Variants in LNPEP observed in about 807,000 individuals in gnomAD.
LNPEP encodes the protein leucyl-cystinyl aminopeptidase.
A neutral mutation model predicts 120.6 loss-of-function variants in LNPEP; 64 were observed. The observed-to-expected ratio is 0.53, with a 90% CI of 0.43 to 0.65. The LOEUF is 0.65. Among genes scored for constraint, LNPEP ranks in the 30% least tolerant of loss-of-function variants. The probability of loss-of-function intolerance (pLI) is 0.00; values close to 1 mark genes in which losing one functional copy is unlikely to be tolerated. For synonymous variants in LNPEP, 435 were observed against 425.4 expected, an observed-to-expected ratio of 1.02 and a Z score of -0.28; for missense variants, 1,057 against 1,200.0, an observed-to-expected ratio of 0.88 and a Z score of 1.76.
At chr5:96,998,320 T>C (rs894697261) in intron 8 of LNPEP, among the ~76,000 whole-genome samples, 175 bp downstream of exon 8, 1 of 152,176 alleles carries the variant, frequency 6.6e-6, no homozygotes, top group Non-Finnish European at 1.5e-5. Context: ...TTTTGTGGGT[T>C]TTTTTCTTTC....
intron 1 of LNPEP, among the ~76,000 whole-genome samples, chr5:96,968,895 A>G (rs949762123): frequency 6.6e-6 from 1 of 151,906 alleles, no homozygotes; most frequent in Non-Finnish European, 1.5e-5. Flanking sequence ...TGCTTTAGGG[A>G]TTTGTGGAAG....
In LNPEP at chr5:97,021,013, G is replaced by A. The variant is rs1459012050; in HGVS notation, c.2377-1287G>A. ...TATTTTGGAGAGAGATGAAAAAGGC[G>A]TCTGTTAGTACCTTAATACCGCAAG... On this transcript the variant is annotated intron_variant, in intron 13 of 17. Coordinates refer to ENST00000231368, the MANE Select transcript of LNPEP (RefSeq NM_005575.3). Among the ~76,000 whole-genome samples, 5 of 152,202 alleles carry A rather than the reference G, an allele frequency of 3.3e-5. No homozygotes were observed. In the South Asian group the frequency reaches 6.2e-4, roughly 19 times the overall value.
chr5:96,968,585 G>A (rs149224166), intron 1 of LNPEP, among the ~76,000 whole-genome samples: 19 of 152,026 alleles, frequency 1.2e-4, no homozygotes, highest in African/African-American at 4.6e-4. Context: ...TATGTATGGC[G>A]TACTCTTTTA....
At chr5:97,021,918 C>CTTTTTTTTTTTTT (rs1561455270) in intron 13 of LNPEP, among the ~76,000 whole-genome samples, 1 of 50,010 alleles carries the variant, frequency 2.0e-5, no homozygotes, top group Admixed American at 2.0e-4. Flanking sequence ...TGTTTTTTGT[C>CTTTTTTTTTTTTT]TTTTGTTTTT....
rs11342983 is a variant in LNPEP, at chr5:96,938,984, C to CA, written c.19+2825dup. Among the ~76,000 whole-genome samples, 1,414 of 142,768 alleles carry CA rather than the reference C, an allele frequency of 9.9e-3. 11 individuals carry two copies. The highest frequency in any genetic ancestry group is 0.011 in the African/African-American group (425 of 38,882). The allele number at this position is 142,768 out of a possible 152,430, so 93.7% of individuals were successfully genotyped here. On this transcript the variant is annotated intron_variant, in intron 1 of 17. Transcript: ENST00000231368. The stretch of plus-strand genomic sequence containing the variant: ...TTAAGTAATAGTGATTTGTATATTA[C>CA]AAAAAAAAAAAAAAATTGAAGGCAA...
chr5:96,943,233 A>C (rs983355403), intron 1 of LNPEP: 1 of 205,904 alleles, frequency 4.9e-6, no homozygotes, highest in Admixed American at 4.7e-5. Flanking sequence ...TAAAAAAAAA[A>C]AAAAGAAAAC....
chr5:96,990,966 A>C (rs1320871225), intron 4 of LNPEP, among the ~76,000 whole-genome samples: 1 of 152,210 alleles, frequency 6.6e-6, no homozygotes, highest in South Asian at 2.1e-4. Flanking sequence ...TATATGGATA[A>C]GTTCTTTAGT....
intron 1 of LNPEP, among the ~76,000 whole-genome samples, chr5:96,961,599 G>A (rs1363146234): frequency 6.6e-6 from 1 of 152,044 alleles, no homozygotes; most frequent in African/African-American, 2.4e-5. Flanking sequence ...GCACTGTGCT[G>A]TACGTTCATC....
At chr5:96,954,984 G>A (rs1394439737) in intron 1 of LNPEP, among the ~76,000 whole-genome samples, 4 of 148,522 alleles carry the variant, frequency 2.7e-5, no homozygotes, top group Admixed American at 6.7e-5. Flanking sequence ...GGGTTTCACC[G>A]TGTTAGCCAG....
intron 6 of LNPEP, 188 bp from the exon 7 acceptor site, chr5:96,996,202 A>C (rs1790512201): frequency 2.4e-6 from 1 of 418,782 alleles, no homozygotes; most frequent in Non-Finnish European, 4.2e-6. Flanking sequence ...TTATTTTTAA[A>C]GTAAATTTAT....
chr5:97,021,922 T>C (rs1291260921), intron 13 of LNPEP, among the ~76,000 whole-genome samples: 7 of 129,284 alleles, frequency 5.4e-5, no homozygotes, highest in African/African-American at 2.0e-4. Context: ...TTTTGTCTTT[T>C]GTTTTTTTTT....
In LNPEP at chr5:97,014,945, C is replaced by T; in HGVS notation, c.2226C>T (p.Gly742=). Residue 742 remains glycine, a synonymous_variant, in exon 13 of 18, where the codon GGC becomes GGT. Transcript: ENST00000231368. ...INNIFELAGL[G]KVPLKRAFDL... ...CTGTTCTTTTATCCTTTAGCCTAGG[C>T]AAGGTACCTCTCAAGAGGGCCTTTG... The T allele has an allele frequency of 1.3e-6, 2 of 1,558,890 alleles. No individual in the cohort carries two copies. The highest frequency in any genetic ancestry group is 1.3e-5 in the South Asian group (1 of 78,712).
At chr5:96,959,700 A>G (rs1369216994) in intron 1 of LNPEP, among the ~76,000 whole-genome samples, 1 of 152,128 alleles carries the variant, frequency 6.6e-6, no homozygotes, top group Admixed American at 6.5e-5. Flanking sequence ...GACTTTTAAA[A>G]TTTGATTTAG....
In LNPEP at chr5:97,026,631, G is replaced by C. The variant is rs17087233; in HGVS notation, c.2738G>C (p.Ser913Thr). The change falls in exon 16 of 18, where the codon AGC (serine) becomes ACC (threonine). Residue 913 changes from serine to threonine, a missense_variant. Physicochemically the swap from Ser to Thr is moderately conservative, Grantham distance 58 (BLOSUM62 1). Coordinates refer to ENST00000231368, the MANE Select transcript of LNPEP (RefSeq NM_005575.3). ...VRKLYWLMKS[S>T]LNGDNFRTQK... The stretch of plus-strand genomic sequence containing the variant: ...TTGCTCTTCAGGTTAATGAAAAGTA[G>C]CCTGAATGGAGATAACTTCCGAACA... 1.2e-4 allele frequency: 191 copies of C among 1,612,924 alleles called. 1 individual carries two copies. The African/African-American group carries it at 2.1e-3, about 18-fold the overall frequency.
intron 1 of LNPEP, among the ~76,000 whole-genome samples, chr5:96,965,095 TTCTA>T (rs545850745): frequency 1.9e-3 from 295 of 152,306 alleles, no homozygotes; most frequent in Non-Finnish European, 3.1e-3. Flanking sequence ...ATTCCAATTC[TTCTA>T]TCTATTTTGC....
chr5:97,014,456 T>C (rs1356991391), intron 12 of LNPEP, among the ~76,000 whole-genome samples: 1 of 152,154 alleles, frequency 6.6e-6, no homozygotes, highest in Non-Finnish European at 1.5e-5. Flanking sequence ...CTGTGATTCC[T>C]ATAAAATGGT....
In LNPEP at chr5:97,024,599, A is replaced by G; in HGVS notation, c.2640A>G (p.Lys880=). 6.2e-7 allele frequency: 1 copy of G among 1,614,134 alleles called. No homozygotes were observed. The highest frequency in any genetic ancestry group is 8.5e-7 in the Non-Finnish European group (1 of 1,179,980). Residue 880 remains lysine (K), a synonymous_variant, in exon 15 of 18, where the codon AAA becomes AAG. Transcript: ENST00000231368. ...AAGGCTGGTCATTCCTTTTGGGCAA[A>G]TACATTTCTATAGGCTCTGAAGCAG... ...TDKGWSFLLG[K]YISIGSEAEK... is the part of the protein sequence containing the mutation.
At chr5:96,981,172 C>T (rs1790114353) in intron 2 of LNPEP, among the ~76,000 whole-genome samples, 1 of 151,968 alleles carries the variant, frequency 6.6e-6, no homozygotes, top group African/African-American at 2.4e-5. Context: ...TCTAATCATA[C>T]CTCAGAGAAG....
intron 11 of LNPEP, among the ~76,000 whole-genome samples, chr5:97,007,799 T>A (rs1219478145): frequency 6.6e-6 from 1 of 152,212 alleles, no homozygotes; most frequent in African/African-American, 2.4e-5. Flanking sequence ...TAAAGGTTTT[T>A]CCATTATATG....
Sources: allele counts gnomAD v4.1 joint callset (sites outside exome capture counted in the v4.1 genomes callset), GRCh38; gene constraint gnomAD v4.1.1; transcripts MANE v1.5; gene names NCBI Gene and HGNC (gene_info 2026-07-23, HGNC 2026-07-21).